LRRC63: variants seen among roughly 807,000 people sequenced by gnomAD.
The protein encoded by LRRC63 is leucine rich repeat containing 63.
In LRRC63, 40 loss-of-function variants were observed where a neutral mutation model predicts 49.5. That is an observed-to-expected ratio of 0.81 (90% confidence interval 0.63 to 1.05). The LOEUF (loss-of-function observed/expected upper bound fraction) is 1.05. Ranked by LOEUF, LRRC63 falls within the 50% of genes least tolerant of loss-of-function variation. The pLI, the probability that LRRC63 is intolerant of heterozygous loss-of-function variation, is 0.00. For synonymous variants in LRRC63, 191 were observed against 221.1 expected, an observed-to-expected ratio of 0.86 and a Z score of 1.21; for missense variants, 636 against 663.1, an observed-to-expected ratio of 0.96 and a Z score of 0.45.
At chr13:46,258,543 C>T (rs1756807172) in intron 7 of LRRC63, among the ~76,000 whole-genome samples, 3 of 151,362 alleles carry the variant, frequency 2.0e-5, no homozygotes, top group African/African-American at 2.4e-5. Flanking sequence ...GGCATGGTGG[C>T]TCACGCCTGT....
At chr13:46,227,453 T>C in intron 2 of LRRC63, 59 bp from the exon 3 acceptor site, 1 of 1,151,738 alleles carries the variant, frequency 8.7e-7, no homozygotes, top group Non-Finnish European at 1.2e-6. Flanking sequence ...TGCTAAGATA[T>C]TTTGTCTGTG....
intron 2 of LRRC63, among the ~76,000 whole-genome samples, chr13:46,218,065 A>G (rs188341997): frequency 1.4e-3 from 219 of 152,248 alleles, no homozygotes; most frequent in Non-Finnish European, 2.7e-3. Context: ...TGCTGAGAAG[A>G]ATGTATATTC....
At chr13:46,241,127 A>G (rs2047050185) in intron 5 of LRRC63, among the ~76,000 whole-genome samples, 3 of 152,192 alleles carry the variant, frequency 2.0e-5, no homozygotes, top group Admixed American at 2.0e-4. Context: ...AAACAAACAC[A>G]TAGACCAATG....
chr13:46,251,550 T>G (rs2047382838), intron 7 of LRRC63, among the ~76,000 whole-genome samples: 1 of 151,852 alleles, frequency 6.6e-6, no homozygotes, highest in Non-Finnish European at 1.5e-5. Context: ...AAAATAGTGT[T>G]TAAAAGCCAA....
intron 7 of LRRC63, among the ~76,000 whole-genome samples, chr13:46,255,645 A>AAAAAAAAAAAAAATATATAT (rs1555328641): frequency 6.0e-4 from 78 of 129,440 alleles, no homozygotes; most frequent in Middle Eastern, 4.6e-3. Context: ...CCCTGCCTCA[A>AAAAAAAAAAAAAATATATAT]ATATATATAT....
In LRRC63 at chr13:46,244,286, CTGA is replaced by C. The variant is rs1203303475; in HGVS notation, c.991-2239_991-2237del. Among the ~76,000 whole-genome samples, 5 of 151,862 alleles carry C rather than the reference CTGA, an allele frequency of 3.3e-5. No homozygotes were observed. In the East Asian group the frequency reaches 9.7e-4, roughly 29 times the overall value. On this transcript the variant is annotated intron_variant, in intron 5 of 9. Transcript: ENST00000595396. ...TTTTTTCTTACCCTTTTCTATGGTG[CTGA>C]TATTGTAAGGTTCTTTAATCATGAA...
chr13:46,270,297 GT>G (rs1229360170), intron 9 of LRRC63: 2 of 837,346 alleles, frequency 2.4e-6, no homozygotes, highest in East Asian at 2.4e-5. Flanking sequence ...AGTCCCAACT[GT>G]AGCAGACTTC....
rs536784525 is a variant in LRRC63, at chr13:46,224,679, G to C, written c.86-2833G>C. Among the ~76,000 whole-genome samples the C allele has an allele frequency of 7.2e-5, 11 of 152,238 alleles. No individual in the cohort carries two copies. In the East Asian group the frequency reaches 1.7e-3, roughly 24 times the overall value. ...CTTTATATTGATATCTGTGTATCTGGTGTAACAGTTGCATCTTCCTATTTT... is the reference window on the plus strand; with the variant it reads ...CTTTATATTGATATCTGTGTATCTGCTGTAACAGTTGCATCTTCCTATTTT... On this transcript the variant is annotated intron_variant, in intron 2 of 9. Coordinates refer to ENST00000595396, the Ensembl canonical transcript of LRRC63.
At chr13:46,262,384 C>T (rs975903858) in intron 8 of LRRC63, among the ~76,000 whole-genome samples, 2 of 151,876 alleles carry the variant, frequency 1.3e-5, no homozygotes, top group African/African-American at 4.8e-5. Flanking sequence ...TGAAGTTTAT[C>T]TATGTCCTTC....
chr13:46,216,022 T>G (rs886341562), intron 2 of LRRC63, among the ~76,000 whole-genome samples: 1 of 152,172 alleles, frequency 6.6e-6, no homozygotes, highest in Admixed American at 6.6e-5. Flanking sequence ...TACTGTAGCC[T>G]TGTAGTATAG....
At chr13:46,230,074 A>G (rs1471499287) in intron 4 of LRRC63, among the ~76,000 whole-genome samples, 4 of 151,898 alleles carry the variant, frequency 2.6e-5, no homozygotes, top group Non-Finnish European at 5.9e-5. Flanking sequence ...TGAACCAGAC[A>G]CCTCCCACCA....
chr13:46,251,149 A>G (rs1439671019), intron 7 of LRRC63, among the ~76,000 whole-genome samples: 1 of 151,940 alleles, frequency 6.6e-6, no homozygotes, highest in East Asian at 1.9e-4. Flanking sequence ...AAAGGGACTC[A>G]TAAATAGTTG....
At chr13:46,227,860 G>A (rs2046623195) in exon 3 of LRRC63, 1 of 1,550,254 alleles carries the variant, frequency 6.5e-7, no homozygotes, top group Admixed American at 2.0e-5. Flanking sequence ...ACTGAAAAAA[G>A]GCTAGAAAAC....
chr13:46,254,684 T>C (rs868727529), intron 7 of LRRC63, among the ~76,000 whole-genome samples: 11 of 152,100 alleles, frequency 7.2e-5, no homozygotes, highest in South Asian at 6.2e-4. Flanking sequence ...GTTGTGATGA[T>C]TTAGTGTTGA....
rs2046652773 is a variant in LRRC63, at chr13:46,228,747, T to A, written c.832+14T>A. The stretch of plus-strand genomic sequence containing the variant: ...GACCACCTGAAGGTAAATGCTAGAT[T>A]TATACAATTCTTTTAGAAAATGTAT... On this transcript the variant is annotated intron_variant, in intron 4 of 9. Coordinates refer to ENST00000595396, the Ensembl canonical transcript of LRRC63. 3 of 1,487,060 alleles carry A rather than the reference T, an allele frequency of 2.0e-6. No individual in the cohort carries two copies. The highest frequency in any genetic ancestry group is 2.7e-6 in the Non-Finnish European group (3 of 1,092,854). The allele number at this position is 1,487,060 out of a possible 1,614,324, so 92.1% of individuals were successfully genotyped here.
chr13:46,234,447 A>G (rs1352427682), intron 5 of LRRC63, 98 bp downstream of exon 5: 1 of 1,139,188 alleles, frequency 8.8e-7, no homozygotes, highest in Non-Finnish European at 1.2e-6. Flanking sequence ...TATTGAGGGG[A>G]ATTTTCCTAT....
In LRRC63 at chr13:46,252,711, A is replaced by G. The variant is rs558439699; in HGVS notation, c.1226+2220A>G. ...GGTGGATTAAACAGGAGAGACAACA[A>G]AGGATAGTTGGGCCAATGATAGGGT... On this transcript the variant is annotated intron_variant, in intron 7 of 9. Transcript: ENST00000595396. 2.6e-4 allele frequency among the ~76,000 whole-genome samples: 39 copies of G among 152,194 alleles called. 1 individual carries two copies. The Middle Eastern group carries it at 0.01, about 40-fold the overall frequency.
In LRRC63 at chr13:46,249,038, A is replaced by G. The variant is rs2138517052; in HGVS notation, c.1090-1317A>G. Among the ~76,000 whole-genome samples, 2 of 152,032 alleles carry G rather than the reference A, an allele frequency of 1.3e-5. 1 individual carries two copies. Among genetic ancestry groups the G allele is most frequent in the East Asian group, 3.9e-4 (2 of 5,184 alleles). ...AAATTAAGCAACATACTCCTAAATA[A>G]CCAGTGGGTCAAAGAATAAGTTATA... On this transcript the variant is annotated intron_variant, in intron 6 of 9. Transcript: ENST00000595396.
intron 5 of LRRC63, among the ~76,000 whole-genome samples, chr13:46,243,917 A>G (rs1480314444): frequency 6.6e-6 from 1 of 152,260 alleles, no homozygotes; most frequent in Admixed American, 6.5e-5. Flanking sequence ...AATATGCAAT[A>G]AGATGTTTTC....
Sources: allele counts gnomAD v4.1 joint callset (sites outside exome capture counted in the v4.1 genomes callset), GRCh38; gene constraint gnomAD v4.1.1; transcripts MANE v1.5; gene names NCBI Gene and HGNC (gene_info 2026-07-23, HGNC 2026-07-21).